SLC10A7: variants seen among roughly 807,000 people sequenced by gnomAD.
SLC10A7 encodes the protein sodium/bile acid cotransporter 7.
In SLC10A7, 29 loss-of-function variants were observed where a neutral mutation model predicts 43.2. The ratio of observed to expected loss-of-function variants is 0.67; its 90% confidence interval spans 0.50 to 0.92. SLC10A7 has a LOEUF of 0.92. Ranked by LOEUF, SLC10A7 falls within the 40% of genes least tolerant of loss-of-function variation. The pLI is 0.00. For missense variants in SLC10A7, 295 were observed against 403.2 expected, an observed-to-expected ratio of 0.73 and a Z score of 2.30; for synonymous variants, 152 against 144.8, an observed-to-expected ratio of 1.05 and a Z score of -0.35.
At chr4:146,439,410 G>A (rs1730439091) in intron 5 of SLC10A7, among the ~76,000 whole-genome samples, 1 of 151,998 alleles carries the variant, frequency 6.6e-6, no homozygotes, top group Admixed American at 6.6e-5. Flanking sequence ...TTCATTCAAA[G>A]TTTTAAGGTA....
intron 5 of SLC10A7, among the ~76,000 whole-genome samples, chr4:146,401,273 A>G (rs1739206918): frequency 1.3e-5 from 2 of 152,154 alleles, no homozygotes; most frequent in Admixed American, 1.3e-4. Context: ...GTGCTTCACA[A>G]TCCTCCTATA....
chr4:146,282,062 G>T (rs1308136807), intron 10 of SLC10A7, among the ~76,000 whole-genome samples: 1 of 152,148 alleles, frequency 6.6e-6, no homozygotes, highest in Non-Finnish European at 1.5e-5. Flanking sequence ...AAGGTTCAGG[G>T]AAGTTAATTG....
At chr4:146,398,758 G>T (rs1739011145) in intron 5 of SLC10A7, among the ~76,000 whole-genome samples, 2 of 152,212 alleles carry the variant, frequency 1.3e-5, no homozygotes, top group Admixed American at 1.3e-4. Context: ...TAGCCAAAGT[G>T]GGAAAAGAGA....
rs1187440259 is a variant in SLC10A7 at position 146,298,569 on chromosome 4, T to C, written c.556-4474A>G. Among the ~76,000 whole-genome samples, 3 of 152,320 alleles carry C rather than the reference T, an allele frequency of 2.0e-5. No homozygotes were observed. The East Asian group carries it at 5.8e-4, about 29-fold the overall frequency. ...AAAAGTAGGTTTTAGTGTGCTGCTT[T>C]AAAAATATTCAAGGTGATGGAAAAT... On this transcript the variant is annotated intron_variant, in intron 7 of 11. Transcript: ENST00000335472.
intron 5 of SLC10A7, among the ~76,000 whole-genome samples, chr4:146,381,995 A>G (rs1737659051): frequency 6.6e-6 from 1 of 152,120 alleles, no homozygotes; most frequent in African/African-American, 2.4e-5. Flanking sequence ...CTAAACCTAG[A>G]AAGAAAAATG....
intron 7 of SLC10A7, among the ~76,000 whole-genome samples, chr4:146,305,457 GA>G (rs1731492654): frequency 6.7e-6 from 1 of 150,210 alleles, no homozygotes; most frequent in Non-Finnish European, 1.5e-5. Flanking sequence ...ATAGCATTGG[GA>G]GATATACCTA....
At chr4:146,326,728 T>G (rs1733133422) in intron 5 of SLC10A7, among the ~76,000 whole-genome samples, 1 of 152,252 alleles carries the variant, frequency 6.6e-6, no homozygotes, top group Non-Finnish European at 1.5e-5. Flanking sequence ...GGAGTTGTAA[T>G]GACAGGCTTC....
chr4:146,521,470 T>C (rs1297461948), intron 1 of SLC10A7, 148 bp downstream of exon 1: 4 of 639,504 alleles, frequency 6.3e-6, no homozygotes, highest in Non-Finnish European at 1.1e-5. Flanking sequence ...GGTTGGTAAA[T>C]TAGAAAATCA....
chr4:146,458,099 C>T (rs1732233078), intron 4 of SLC10A7, among the ~76,000 whole-genome samples: 1 of 151,524 alleles, frequency 6.6e-6, no homozygotes, highest in Non-Finnish European at 1.5e-5. Context: ...CTAATTTAAC[C>T]TAGCAATATA....
At chr4:146,379,633 A>G (rs1275184302) in intron 5 of SLC10A7, among the ~76,000 whole-genome samples, 1 of 152,202 alleles carries the variant, frequency 6.6e-6, no homozygotes. Flanking sequence ...CAATCTTGAT[A>G]ACTGTCCACT....
At chr4:146,405,668 T>A (rs1727618673) in intron 5 of SLC10A7, among the ~76,000 whole-genome samples, 1 of 152,172 alleles carries the variant, frequency 6.6e-6, no homozygotes, top group African/African-American at 2.4e-5. Flanking sequence ...CTGTCTACCA[T>A]ATATAAAATT....
intron 2 of SLC10A7, among the ~76,000 whole-genome samples, chr4:146,516,736 A>G (rs1738035488): frequency 6.6e-6 from 1 of 152,118 alleles, no homozygotes; most frequent in Non-Finnish European, 1.5e-5. Context: ...CATAGCAGGC[A>G]CCACTGTAGT....
rs112713961 is a variant in SLC10A7, at chr4:146,324,805, C to T, written c.471+1156G>A. 2.0e-3 allele frequency among the ~76,000 whole-genome samples: 304 copies of T among 152,228 alleles called. 1 individual carries two copies. Among genetic ancestry groups the T allele is most frequent in the African/African-American group, 6.8e-3 (284 of 41,528 alleles). Reference sequence around the variant, plus strand: ...GTCTCTTTGGTTTCAATTTAACTAACTGAAAATTCTGCGTTGGTGAAGTCC... The same window carrying T: ...GTCTCTTTGGTTTCAATTTAACTAATTGAAAATTCTGCGTTGGTGAAGTCC... On this transcript the variant is annotated intron_variant, in intron 6 of 11. Transcript: ENST00000335472.
At chr4:146,437,586 T>C (rs1432108150) in intron 5 of SLC10A7, among the ~76,000 whole-genome samples, 1 of 152,072 alleles carries the variant, frequency 6.6e-6, no homozygotes, top group Non-Finnish European at 1.5e-5. Flanking sequence ...TGATTAAGAT[T>C]TTAAGAAAAT....
At chr4:146,394,652 G>A (rs532018514) in intron 5 of SLC10A7, among the ~76,000 whole-genome samples, 7 of 152,144 alleles carry the variant, frequency 4.6e-5, no homozygotes, top group Admixed American at 2.0e-4. Context: ...CTGAACCACC[G>A]TGCCCAGCCC....
intron 10 of SLC10A7, among the ~76,000 whole-genome samples, chr4:146,262,805 T>C (rs575857449): frequency 1.3e-5 from 2 of 152,326 alleles, no homozygotes; most frequent in Non-Finnish European, 2.9e-5. Context: ...TTCAGAGTTG[T>C]CCTGTCCAAG....
intron 6 of SLC10A7, among the ~76,000 whole-genome samples, chr4:146,316,599 A>G (rs534228639): frequency 2.6e-5 from 4 of 152,122 alleles, no homozygotes; most frequent in East Asian, 3.9e-4. Context: ...TTTATAAGCC[A>G]CCCAGTTTGT....
At chr4:146,329,747 A>C (rs1337293465) in intron 5 of SLC10A7, among the ~76,000 whole-genome samples, 1 of 152,204 alleles carries the variant, frequency 6.6e-6, no homozygotes, top group African/African-American at 2.4e-5. Flanking sequence ...TTTTAGAGTC[A>C]AGTTTTTGCA....
intron 4 of SLC10A7, among the ~76,000 whole-genome samples, chr4:146,446,534 C>T (rs1231023522): frequency 1.3e-5 from 2 of 150,036 alleles, no homozygotes; most frequent in Admixed American, 6.7e-5. Context: ...CGAGATTGTA[C>T]CACTGCATTC....
Sources: gnomAD v4.1 joint callset for allele counts (sites outside exome capture counted in the v4.1 genomes callset) on GRCh38, gnomAD v4.1.1 for gene constraint, MANE v1.5 for transcripts, NCBI Gene and HGNC (gene_info 2026-07-23, HGNC 2026-07-21) for gene names.